Variants in RBX1 observed in about 807,000 individuals in gnomAD.
The protein encoded by RBX1 is ring-box 1, also known as E3 ubiquitin-protein ligase RBX1.
For missense variants in RBX1, 46 were observed against 141.4 expected, an observed-to-expected ratio of 0.33 and a Z score of 3.42; for synonymous variants, 48 against 47.9, an observed-to-expected ratio of 1.00 and a Z score of -0.01.
intron 3 of RBX1, among the ~76,000 whole-genome samples, chr22:40,964,955 G>A (rs1453838402): frequency 6.6e-6 from 1 of 152,188 alleles, no homozygotes; most frequent in African/African-American, 2.4e-5. Context: ...GATGATTTAT[G>A]TTAAAATGTG....
rs1345914501 is a variant in RBX1 at position 40,972,785 on chromosome 22, T to A, written c.*297T>A. On this transcript the variant is annotated 3_prime_UTR_variant, in exon 5 of 5. Transcript: ENST00000216225. ...GTTCATCGGGGCCAGAGCAGGGTTGTCCTCTGAGCGCATCACTTAGTGACG... is the reference window on the plus strand; with the variant it reads ...GTTCATCGGGGCCAGAGCAGGGTTGACCTCTGAGCGCATCACTTAGTGACG... 1 of 313,220 alleles carries A rather than the reference T, an allele frequency of 3.2e-6. No individual in the cohort carries two copies. The highest frequency in any genetic ancestry group is 6.2e-5 in the East Asian group (1 of 16,014). The allele number at this position is 313,220 out of a possible 1,614,324, so 19.4% of individuals were successfully genotyped here. A position where few individuals can be genotyped will look rare whatever the true frequency, so the allele number is the denominator to read the frequency against.
At chr22:40,965,974 G>C (rs28457022) in intron 3 of RBX1, among the ~76,000 whole-genome samples, 9,964 of 152,242 alleles carry the variant, frequency 0.065, 1,058 homozygotes, top group African/African-American at 0.22. Context: ...GAGATTCTCT[G>C]AGAGAGCCTG....
At chr22:40,963,258 A>G (rs2058345862) in intron 2 of RBX1, among the ~76,000 whole-genome samples, 1 of 152,188 alleles carries the variant, frequency 6.6e-6, no homozygotes, top group Non-Finnish European at 1.5e-5. Context: ...TGATCAGAGA[A>G]AGCAAGTTAT....
chr22:40,968,566 T>A (rs1166473289), intron 4 of RBX1, among the ~76,000 whole-genome samples: 3 of 152,226 alleles, frequency 2.0e-5, no homozygotes, highest in African/African-American at 7.2e-5. Context: ...AGTGATTAAT[T>A]CTGATATAGC....
chr22:40,957,345 C>CAA (rs146192638), intron 2 of RBX1, among the ~76,000 whole-genome samples: 2 of 149,756 alleles, frequency 1.3e-5, no homozygotes, highest in Non-Finnish European at 1.5e-5. Context: ...AACTCTGTCT[C>CAA]AAAAAAAAAG....
intron 4 of RBX1, 75 bp downstream of exon 4, chr22:40,967,959 G>A: frequency 2.0e-6 from 2 of 976,642 alleles, no homozygotes; most frequent in Non-Finnish European, 3.3e-6. Flanking sequence ...TTGGGGGATG[G>A]AGACATGATA....
intron 4 of RBX1, among the ~76,000 whole-genome samples, chr22:40,971,759 G>A (rs918453073): frequency 6.6e-6 from 1 of 152,016 alleles, no homozygotes; most frequent in Admixed American, 6.6e-5. Context: ...GTTTCACCAT[G>A]TTGGCCAGGC....
At position 40,973,277 on chromosome 22, in the gene RBX1, C is replaced by G. The variant is rs942125095; in HGVS notation, c.*789C>G. 3 of 152,258 alleles carry G rather than the reference C, an allele frequency of 2.0e-5. No homozygotes were observed. Among genetic ancestry groups the G allele is most frequent in the South Asian group, 4.1e-4 (2 of 4,822 alleles). The allele number at this position is 152,258 out of a possible 1,614,324, so 9.4% of individuals were successfully genotyped here. A position where few individuals can be genotyped will look rare whatever the true frequency, so the allele number is the denominator to read the frequency against. On this transcript the variant is annotated 3_prime_UTR_variant, in exon 5 of 5. Transcript: ENST00000216225. ...AGTAGATGGACCGCGCAACCTAGATCCCTCACATGCACGGTTCGCCAATAG... is the reference window on the plus strand; with the variant it reads ...AGTAGATGGACCGCGCAACCTAGATGCCTCACATGCACGGTTCGCCAATAG...
At chr22:40,956,738 A>G (rs2058326568) in intron 2 of RBX1, among the ~76,000 whole-genome samples, 1 of 151,616 alleles carries the variant, frequency 6.6e-6, no homozygotes. Context: ...CTTTACCTTT[A>G]AGAAACACAC....
intron 2 of RBX1, among the ~76,000 whole-genome samples, chr22:40,954,652 A>G (rs1455624809): frequency 2.0e-5 from 3 of 152,084 alleles, no homozygotes. Context: ...ATGGAATTAT[A>G]GGAACTTATT....
At chr22:40,961,190 C>A (rs2058339250) in intron 2 of RBX1, among the ~76,000 whole-genome samples, 1 of 149,838 alleles carries the variant, frequency 6.7e-6, no homozygotes, top group African/African-American at 2.5e-5. Context: ...TGTGCTCAAG[C>A]CATTCTCCTG....
chr22:40,965,042 C>T lies in RBX1; in HGVS notation c.228+925C>T, dbSNP rs182557565. Among the ~76,000 whole-genome samples, 427 of 152,322 alleles carry T rather than the reference C, an allele frequency of 2.8e-3. 8 individuals carry two copies. In the Middle Eastern group the frequency reaches 0.041, roughly 15 times the overall value. On this transcript the variant is annotated intron_variant, in intron 3 of 4. Transcript: ENST00000216225. ...TAAATAGGCCGGACGCGGTGGCTCA[C>T]GCCTGTAATCCCAGCACTCTGGGAG...
chr22:40,954,989 G>T (rs2058321335), intron 2 of RBX1, among the ~76,000 whole-genome samples: 2 of 152,194 alleles, frequency 1.3e-5, no homozygotes, highest in East Asian at 1.9e-4. Context: ...GTTTTACCGT[G>T]TTGGCCAGGC....
intron 3 of RBX1, among the ~76,000 whole-genome samples, chr22:40,965,362 T>C (rs929862920): frequency 1.3e-5 from 2 of 149,526 alleles, no homozygotes; most frequent in Non-Finnish European, 3.0e-5. Context: ...GTGTAGATGG[T>C]GTTCTCAGTA....
rs1160710255 is a variant in RBX1, at chr22:40,972,655, G to A, written c.*167G>A. On this transcript the variant is annotated 3_prime_UTR_variant, in exon 5 of 5. Transcript: ENST00000216225. Reference sequence around the variant, plus strand: ...TTCTGTGTCAAATAAAGTCCAGTTGGATTCTGGAACGGATGCTCTCTCTTG... The same window carrying A: ...TTCTGTGTCAAATAAAGTCCAGTTGAATTCTGGAACGGATGCTCTCTCTTG... The A allele has an allele frequency of 1.2e-5, 7 of 595,046 alleles. No individual in the cohort carries two copies. Among genetic ancestry groups the A allele is most frequent in the Non-Finnish European group, 2.1e-5 (7 of 330,560 alleles). The allele number at this position is 595,046 out of a possible 1,614,324, so 36.9% of individuals were successfully genotyped here. A position where few individuals can be genotyped will look rare whatever the true frequency, so the allele number is the denominator to read the frequency against.
intron 2 of RBX1, among the ~76,000 whole-genome samples, chr22:40,954,784 C>T (rs770767592): frequency 4.0e-5 from 6 of 151,736 alleles, no homozygotes; most frequent in East Asian, 1.9e-4. Flanking sequence ...GCCATGGCCC[C>T]GGCCAGTTTT....
chr22:40,971,314 A>G (rs1240597790), intron 4 of RBX1, among the ~76,000 whole-genome samples: 2 of 152,202 alleles, frequency 1.3e-5, no homozygotes, highest in African/African-American at 2.4e-5. Flanking sequence ...CCCATCTCAC[A>G]TGCTAGAGCC....
At chr22:40,962,421 A>G (rs2058343357) in intron 2 of RBX1, among the ~76,000 whole-genome samples, 1 of 151,226 alleles carries the variant, frequency 6.6e-6, no homozygotes, top group African/African-American at 2.4e-5. Flanking sequence ...AGAAAAAGGT[A>G]TTATCATGGT....
At chr22:40,970,679 T>C (rs926020752) in intron 4 of RBX1, among the ~76,000 whole-genome samples, 4 of 152,182 alleles carry the variant, frequency 2.6e-5, no homozygotes, top group Non-Finnish European at 4.4e-5. Flanking sequence ...CTTTACTGAA[T>C]TTTTTACGGG....
Sources: gnomAD v4.1 joint callset for allele counts (sites outside exome capture counted in the v4.1 genomes callset) on GRCh38, gnomAD v4.1.1 for gene constraint, MANE v1.5 for transcripts, NCBI Gene and HGNC (gene_info 2026-07-23, HGNC 2026-07-21) for gene names.